GMCL1: variants seen among roughly 807,000 people sequenced by gnomAD.
GMCL1 encodes the protein germ cell-less 1, spermatogenesis associated, also known as germ cell-less protein-like 1.
In GMCL1, 54 loss-of-function variants were observed where a neutral mutation model predicts 75.5. The observed-to-expected ratio is 0.71, with a 90% CI of 0.57 to 0.90. The LOEUF is 0.90. GMCL1 is among the 40% of genes least tolerant of loss of function. The probability of loss-of-function intolerance (pLI) is 0.00; values close to 1 mark genes in which losing one functional copy is unlikely to be tolerated. For synonymous variants in GMCL1, 210 were observed against 209.6 expected (o/e 1.00, Z -0.02); for missense variants, 537 against 622.7 (o/e 0.86, Z 1.47).
intron 13 of GMCL1, chr2:69,873,439 GT>G (rs1558553161): frequency 6.6e-6 from 1 of 151,996 alleles, no homozygotes; most frequent in Non-Finnish European, 1.5e-5. Context: ...ACATTGCTGA[GT>G]TTTTCCTTCA....
chr2:69,833,176 C>G (rs1674723416), intron 1 of GMCL1, among the ~76,000 whole-genome samples: 1 of 152,148 alleles, frequency 6.6e-6, no homozygotes, highest in African/African-American at 2.4e-5. Context: ...AAAAAGTGTA[C>G]CAACTCCTAG....
chr2:69,842,959 G>C (rs1334501691), intron 4 of GMCL1, 190 bp from the exon 5 acceptor site: 2 of 360,638 alleles, frequency 5.5e-6, no homozygotes, highest in East Asian at 9.8e-5. Context: ...AATACTTGCT[G>C]AACTTTTTTC....
intron 9 of GMCL1, among the ~76,000 whole-genome samples, chr2:69,856,746 C>T (rs1025565966): frequency 5.3e-5 from 8 of 150,112 alleles, no homozygotes; most frequent in Non-Finnish European, 7.4e-5. Context: ...GCCAGGAGAC[C>T]ACCGTCCTAG....
At chr2:69,838,546 A>G (rs547778832) in intron 2 of GMCL1, among the ~76,000 whole-genome samples, 1 of 152,228 alleles carries the variant, frequency 6.6e-6, no homozygotes, top group South Asian at 2.1e-4. Context: ...GTAAGACAGC[A>G]TAGTATAAAA....
intron 12 of GMCL1, among the ~76,000 whole-genome samples, chr2:69,871,460 ATATT>A (rs1675978580): frequency 6.6e-6 from 1 of 152,224 alleles, no homozygotes; most frequent in Non-Finnish European, 1.5e-5. Context: ...ATGTGGAAAT[ATATT>A]TAATGCCACA....
intron 11 of GMCL1, among the ~76,000 whole-genome samples, chr2:69,866,205 G>A (rs1450719813): frequency 1.3e-5 from 2 of 150,260 alleles, no homozygotes; most frequent in East Asian, 3.9e-4. Flanking sequence ...TCAAGATTGT[G>A]ACACTGCACT....
chr2:69,867,880 C>T (rs1300802026), intron 11 of GMCL1, among the ~76,000 whole-genome samples: 1 of 152,232 alleles, frequency 6.6e-6, no homozygotes, highest in Non-Finnish European at 1.5e-5. Context: ...CATACCTTCT[C>T]TCCTTAAAAG....
intron 7 of GMCL1, 67 bp from the exon 8 acceptor site, chr2:69,849,585 G>T (rs1675251291): frequency 2.8e-6 from 3 of 1,066,294 alleles, no homozygotes; most frequent in Non-Finnish European, 4.0e-6. Context: ...AAAGCAATTT[G>T]AAAATGTAAA....
At chr2:69,830,572 T>C (rs1674643971) in intron 1 of GMCL1, among the ~76,000 whole-genome samples, 1 of 152,176 alleles carries the variant, frequency 6.6e-6, no homozygotes, top group African/African-American at 2.4e-5. Context: ...GGCACTCTTA[T>C]TGTCGCCCAC....
At position 69,869,772 on chromosome 2, in the gene GMCL1, C is replaced by T. The variant is rs776018679; in HGVS notation, c.1272C>T (p.Tyr424=). The change falls in exon 12 of 14, where the codon TAC becomes TAT. Residue 424 remains tyrosine, a synonymous_variant. Transcript: ENST00000282570. Reference sequence around the variant, plus strand: ...TCGGCTTCGACCTACTTGTAACTTACACCAATCGATACATCATTTTCAAAC... The same window carrying T: ...TCGGCTTCGACCTACTTGTAACTTATACCAATCGATACATCATTTTCAAAC... ...FNFGFDLLVT[Y]TNRYIIFKRN... is the part of the protein sequence containing the mutation. The T allele has an allele frequency of 1.1e-5, 17 of 1,613,944 alleles. No homozygotes were observed. The Admixed American group carries it at 1.7e-4, about 16-fold the overall frequency.
At chr2:69,852,398 G>A (rs757795643) in intron 8 of GMCL1, among the ~76,000 whole-genome samples, 14 of 152,120 alleles carry the variant, frequency 9.2e-5, no homozygotes, top group Non-Finnish European at 1.6e-4. Flanking sequence ...CAAAATGTAT[G>A]TCTGATGCTC....
chr2:69,866,102 C>A (rs1675809633), intron 11 of GMCL1, among the ~76,000 whole-genome samples: 1 of 151,988 alleles, frequency 6.6e-6, no homozygotes, highest in Non-Finnish European at 1.5e-5. Flanking sequence ...TACAAAAATT[C>A]TCTGGGCGTA....
In GMCL1 at chr2:69,843,077, A is replaced by G; in HGVS notation, c.580-72A>G. ...CTTTTTTTTTTTCTTTTACTTTTTAATATGTAAAAGCTGTCAGAGCTAATT... is the reference window on the plus strand; with the variant it reads ...CTTTTTTTTTTTCTTTTACTTTTTAGTATGTAAAAGCTGTCAGAGCTAATT... On this transcript the variant is annotated intron_variant, in intron 4 of 13. Transcript: ENST00000282570. 4 of 589,020 alleles carry G rather than the reference A, an allele frequency of 6.8e-6. No homozygotes were observed. The Admixed American group carries it at 8.9e-5, about 13-fold the overall frequency. The allele number at this position is 589,020 out of a possible 1,614,324, so 36.5% of individuals were successfully genotyped here.
chr2:69,830,504 G>A (rs966073885), intron 1 of GMCL1, among the ~76,000 whole-genome samples: 2 of 152,234 alleles, frequency 1.3e-5, no homozygotes, highest in African/African-American at 2.4e-5. Context: ...TAGCCGCAGA[G>A]TAAGTTGTTT....
intron 1 of GMCL1, among the ~76,000 whole-genome samples, chr2:69,830,724 A>G (rs937847992): frequency 1.2e-4 from 18 of 148,852 alleles, no homozygotes; most frequent in African/African-American, 4.5e-4. Flanking sequence ...CCGTGGATGT[A>G]CTGTATGTAG....
In GMCL1 at chr2:69,881,020, TTAAG is replaced by T. The variant is rs758765001; in HGVS notation, c.*2018_*2021del. ...TTCCAAACTTAAATTATTTGGATAA[TTAAG>T]TTTTTGCAGATCTTGGAAGTAAAGA... is the stretch of plus-strand genomic sequence containing the variant. On this transcript the variant is annotated 3_prime_UTR_variant, in exon 14 of 14. Transcript: ENST00000282570. 2.0e-5 allele frequency: 3 copies of T among 152,220 alleles called. No homozygotes were observed. The highest frequency in any genetic ancestry group is 4.4e-5 in the Non-Finnish European group (3 of 68,034). The allele number at this position is 152,220 out of a possible 1,614,324, so 9.4% of individuals were successfully genotyped here.
At chr2:69,867,675 G>T (rs1385629302) in intron 11 of GMCL1, among the ~76,000 whole-genome samples, 2 of 152,074 alleles carry the variant, frequency 1.3e-5, no homozygotes, top group Non-Finnish European at 2.9e-5. Flanking sequence ...AAACTCACCT[G>T]GCTAAACCCC....
intron 13 of GMCL1, among the ~76,000 whole-genome samples, chr2:69,872,315 G>A (rs1676004325): frequency 6.6e-6 from 1 of 152,130 alleles, no homozygotes; most frequent in Admixed American, 6.6e-5. Flanking sequence ...TATCTCCAAA[G>A]CCATTTATTT....
intron 13 of GMCL1, among the ~76,000 whole-genome samples, chr2:69,873,064 A>C (rs1195347304): frequency 6.6e-6 from 1 of 152,126 alleles, no homozygotes. Flanking sequence ...GAGGGAGAAG[A>C]CTCTGACCTG....
Sources: gnomAD v4.1 joint callset for allele counts (sites outside exome capture counted in the v4.1 genomes callset) on GRCh38, gnomAD v4.1.1 for gene constraint, MANE v1.5 for transcripts, NCBI Gene and HGNC (gene_info 2026-07-23, HGNC 2026-07-21) for gene names.